The following RBFOX1 variants were observed in gnomAD, a reference collection of about 807,000 sequenced individuals.
RBFOX1 encodes RNA binding fox-1 homolog 1, also known as RNA binding protein fox-1 homolog 1.
In RBFOX1, 8 loss-of-function variants were observed where a neutral mutation model predicts 57.7. That is an observed-to-expected ratio of 0.14 (90% confidence interval 0.08 to 0.25). The LOEUF is 0.25. RBFOX1 is among the 10% of genes least tolerant of loss of function. The pLI, the probability that RBFOX1 is intolerant of heterozygous loss-of-function variation, is 1.00. For missense variants in RBFOX1, 611 were observed against 548.5 expected, an observed-to-expected ratio of 1.11 and a Z score of -1.14; for synonymous variants, 326 against 222.4, an observed-to-expected ratio of 1.47 and a Z score of -4.15.
At chr16:6,752,003 T>C (rs930905794) in intron 3 of RBFOX1, among the ~76,000 whole-genome samples, 11 of 152,262 alleles carry the variant, frequency 7.2e-5, no homozygotes, top group Non-Finnish European at 1.5e-4. Flanking sequence ...AGGATCCCAG[T>C]TGGAATAGGT....
intron 3 of RBFOX1, chr16:6,775,661 G>C (rs1353810818): frequency 1.3e-5 from 2 of 152,110 alleles, no homozygotes; most frequent in African/African-American, 4.8e-5. Flanking sequence ...GTGAATTTGG[G>C]AGCTTCGGTC....
intron 4 of RBFOX1, among the ~76,000 whole-genome samples, chr16:5,921,032 C>G (rs1293844736): frequency 6.6e-6 from 1 of 152,162 alleles, no homozygotes; most frequent in African/African-American, 2.4e-5. Flanking sequence ...ATTCTAATTC[C>G]TGCTCCGTCT....
chr16:5,386,431 G>C (rs74689979), intron 1 of RBFOX1, among the ~76,000 whole-genome samples: 13,648 of 152,054 alleles, frequency 0.09, 686 homozygotes, highest in South Asian at 0.15. Flanking sequence ...CACGCAAGAG[G>C]GCTGTTCCTA....
intron 3 of RBFOX1, among the ~76,000 whole-genome samples, chr16:6,891,708 T>C (rs139005060): frequency 6.6e-6 from 1 of 152,214 alleles, no homozygotes; most frequent in Non-Finnish European, 1.5e-5. Context: ...CATTTACTTT[T>C]ATTCATCTGA....
chr16:6,614,565 G>C lies in RBFOX1; in HGVS notation c.-63-40038G>C, dbSNP rs181375801. On this transcript the variant is annotated intron_variant, in intron 2 of 15. Coordinates refer to ENST00000550418, the MANE Select transcript of RBFOX1 (RefSeq NM_018723.4). ...CTGGACGACTTAGAACATCAGAAAT[G>C]TCTTCGCCTAGTTCTGGAGGTTGCA... 4.8e-4 allele frequency among the ~76,000 whole-genome samples: 73 copies of C among 152,272 alleles called. 1 individual carries two copies. The highest frequency in any genetic ancestry group is 1.7e-3 in the African/African-American group (71 of 41,544).
At chr16:6,909,863 G>T (rs530019322) in intron 3 of RBFOX1, among the ~76,000 whole-genome samples, 1 of 152,158 alleles carries the variant, frequency 6.6e-6, no homozygotes, top group African/African-American at 2.4e-5. Flanking sequence ...CCACCCTCGT[G>T]TGACTGAATT....
intron 3 of RBFOX1, among the ~76,000 whole-genome samples, chr16:5,830,384 T>G (rs2056222163): frequency 6.6e-6 from 1 of 151,756 alleles, no homozygotes; most frequent in Non-Finnish European, 1.5e-5. Context: ...TTTTTGTTTT[T>G]TTTTTTTGTT....
intron 3 of RBFOX1, among the ~76,000 whole-genome samples, chr16:6,767,076 C>G (rs1418805838): frequency 6.6e-6 from 1 of 152,076 alleles, no homozygotes; most frequent in Non-Finnish European, 1.5e-5. Flanking sequence ...TATCCATTTC[C>G]TCATCCTGTG....
intron 1 of RBFOX1, among the ~76,000 whole-genome samples, chr16:5,460,691 A>G (rs952619885): frequency 1.3e-5 from 2 of 152,218 alleles, no homozygotes; most frequent in Admixed American, 6.5e-5. Context: ...TTAGATATCA[A>G]AAGGGCTGAC....
At chr16:5,317,244 A>G (rs953107818) in intron 1 of RBFOX1, among the ~76,000 whole-genome samples, 3 of 151,884 alleles carry the variant, frequency 2.0e-5, no homozygotes, top group African/African-American at 4.8e-5. Context: ...TGTATTTTCT[A>G]TTGGTTCTGT....
At chr16:7,209,189 G>A (rs1262033021) in intron 4 of RBFOX1, among the ~76,000 whole-genome samples, 1 of 149,118 alleles carries the variant, frequency 6.7e-6, no homozygotes, top group African/African-American at 2.5e-5. Context: ...AATAATAATT[G>A]CAGGGTGTGG....
chr16:6,836,320 C>T (rs546750884), intron 3 of RBFOX1, among the ~76,000 whole-genome samples: 1 of 151,738 alleles, frequency 6.6e-6, no homozygotes, highest in African/African-American at 2.4e-5. Flanking sequence ...GGTTGAATTA[C>T]TCCAAAGAAA....
At chr16:7,631,552 G>C (rs899033095) in intron 11 of RBFOX1, among the ~76,000 whole-genome samples, 8 of 152,162 alleles carry the variant, frequency 5.3e-5, no homozygotes, top group Admixed American at 3.9e-4. Context: ...TTTATACAAT[G>C]TGTGTAAATC....
At chr16:5,377,023 T>C (rs1320615396) in intron 1 of RBFOX1, among the ~76,000 whole-genome samples, 1 of 151,002 alleles carries the variant, frequency 6.6e-6, no homozygotes, top group Non-Finnish European at 1.5e-5. Flanking sequence ...CGAATCTTCA[T>C]CTCAGGATCC....
At chr16:6,235,558 ATG>A (rs3064942) in intron 1 of RBFOX1, among the ~76,000 whole-genome samples, 9,519 of 147,124 alleles carry the variant, frequency 0.065, 335 homozygotes, top group East Asian at 0.15. Context: ...GCGTGTATGT[ATG>A]TGTGTGTGTG....
Position 5,728,645 on chromosome 16 carries a change from G to T in RBFOX1, c.318+129684G>T, listed in dbSNP as rs541356670. Among the ~76,000 whole-genome samples, 91 of 152,238 alleles carry T rather than the reference G, an allele frequency of 6.0e-4. 1 individual carries two copies. The South Asian group carries it at 0.018, about 31-fold the overall frequency. On this transcript the variant is annotated intron_variant, in intron 3 of 19. Coordinates refer to the RBFOX1 transcript ENST00000641259. ...CACATGTGAGCCCTCTGGGTTCCTGGGATGACTCCGTAGGTCACTCTGAGA... is the reference window on the plus strand; with the variant it reads ...CACATGTGAGCCCTCTGGGTTCCTGTGATGACTCCGTAGGTCACTCTGAGA...
At chr16:6,292,334 C>G in intron 1 of RBFOX1, among the ~76,000 whole-genome samples, 1 of 151,628 alleles carries the variant, frequency 6.6e-6, no homozygotes, top group Non-Finnish European at 1.5e-5. Context: ...GAACTACCAC[C>G]AATGGCTTCT....
intron 3 of RBFOX1, among the ~76,000 whole-genome samples, chr16:5,658,840 A>G (rs923531884): frequency 4.7e-5 from 7 of 148,410 alleles, no homozygotes; most frequent in Non-Finnish European, 8.9e-5. Flanking sequence ...ATGTATATAT[A>G]TAATATATGT....
chr16:5,590,962 C>T (rs1290706784), intron 2 of RBFOX1, among the ~76,000 whole-genome samples: 1 of 151,998 alleles, frequency 6.6e-6, no homozygotes, highest in African/African-American at 2.4e-5. Context: ...ACTGAAAGGA[C>T]TCCTGTCGTC....
Sources: gnomAD v4.1 joint callset for allele counts (sites outside exome capture counted in the v4.1 genomes callset) on GRCh38, gnomAD v4.1.1 for gene constraint, MANE v1.5 for transcripts, NCBI Gene and HGNC (gene_info 2026-07-23, HGNC 2026-07-21) for gene names.